RARS2: variants seen among roughly 807,000 people sequenced by gnomAD.
The protein encoded by RARS2 is arginyl-tRNA synthetase 2, mitochondrial, also known as probable arginine--tRNA ligase, mitochondrial.
In RARS2, 67 loss-of-function variants were observed where a neutral mutation model predicts 88.5. The observed-to-expected ratio is 0.76, with a 90% confidence interval of 0.62 to 0.93. RARS2 has a LOEUF of 0.93. Among genes scored for constraint, RARS2 ranks in the 40% least tolerant of loss-of-function variants. The probability of loss-of-function intolerance (pLI) is 0.00; values close to 1 mark genes in which losing one functional copy is unlikely to be tolerated. For missense variants in RARS2, 664 were observed against 684.2 expected, an observed-to-expected ratio of 0.97 and a Z score of 0.33; for synonymous variants, 239 against 230.3, an observed-to-expected ratio of 1.04 and a Z score of -0.34.
At chr6:87,565,560 C>T (rs1767611674) in intron 2 of RARS2, among the ~76,000 whole-genome samples, 1 of 152,012 alleles carries the variant, frequency 6.6e-6, no homozygotes, top group African/African-American at 2.4e-5. Context: ...AAAAGCTCTC[C>T]CTTTCCCTAC....
intron 1 of RARS2, among the ~76,000 whole-genome samples, chr6:87,580,578 T>G: frequency 7.2e-6 from 1 of 139,846 alleles, no homozygotes; most frequent in East Asian, 2.1e-4. Context: ...AATTTGAGAG[T>G]GAAACCCTGT....
chr6:87,560,535 T>C (rs915508650), intron 4 of RARS2, among the ~76,000 whole-genome samples: 2 of 152,240 alleles, frequency 1.3e-5, no homozygotes, highest in African/African-American at 2.4e-5. Flanking sequence ...AACAAAGATA[T>C]ATTAATTCTT....
intron 1 of RARS2, among the ~76,000 whole-genome samples, chr6:87,574,670 T>C (rs1305507634): frequency 2.0e-5 from 3 of 151,880 alleles, no homozygotes; most frequent in Non-Finnish European, 4.4e-5. Context: ...AGGAGAAAAA[T>C]GTAACCCAAT....
chr6:87,536,361 G>C (rs939131524), intron 8 of RARS2, among the ~76,000 whole-genome samples: 1 of 151,906 alleles, frequency 6.6e-6, no homozygotes, highest in Non-Finnish European at 1.5e-5. Flanking sequence ...TTTTGCCTGG[G>C]CGTGGTGGCT....
chr6:87,570,108 G>A (rs373519366), intron 1 of RARS2, among the ~76,000 whole-genome samples: 27 of 152,142 alleles, frequency 1.8e-4, no homozygotes, highest in African/African-American at 6.3e-4. Flanking sequence ...AAATAACAGG[G>A]AAAATGTGAT....
At chr6:87,525,772 C>T (rs1775479292) in intron 10 of RARS2, among the ~76,000 whole-genome samples, 1 of 152,120 alleles carries the variant, frequency 6.6e-6, no homozygotes, top group South Asian at 2.1e-4. Context: ...GTCTCGAACT[C>T]CTGACCTCAT....
intron 1 of RARS2, among the ~76,000 whole-genome samples, chr6:87,585,512 T>C (rs1036826893): frequency 6.6e-6 from 1 of 152,044 alleles, no homozygotes; most frequent in Non-Finnish European, 1.5e-5. Flanking sequence ...GGGTGGATCA[T>C]GAGGTCAGGA....
At chr6:87,520,815 A>G (rs1187800070) in intron 12 of RARS2, among the ~76,000 whole-genome samples, 1 of 152,200 alleles carries the variant, frequency 6.6e-6, no homozygotes, top group African/African-American at 2.4e-5. Context: ...TGTGCTGAAG[A>G]ACAGAGCACT....
At chr6:87,528,913 T>C (rs547397939) in intron 10 of RARS2, among the ~76,000 whole-genome samples, 14 of 152,330 alleles carry the variant, frequency 9.2e-5, no homozygotes, top group Admixed American at 6.5e-5. Flanking sequence ...GATGGGTATG[T>C]TAATTAACTT....
chr6:87,540,102 T>A (rs531375710), intron 8 of RARS2, among the ~76,000 whole-genome samples: 43 of 152,050 alleles, frequency 2.8e-4, no homozygotes, highest in South Asian at 4.1e-4. Flanking sequence ...TCATTTAGAG[T>A]GCAGTGTTGG....
At chr6:87,545,821 A>C in intron 6 of RARS2, 122 bp from the exon 7 acceptor site, 1 of 1,165,218 alleles carries the variant, frequency 8.6e-7, no homozygotes, top group Non-Finnish European at 1.2e-6. Context: ...TACCAACTCA[A>C]TGTTTTTTAC....
chr6:87,519,152 ATATG>A (rs1304819594), intron 14 of RARS2: 2 of 314,984 alleles, frequency 6.3e-6, no homozygotes, highest in Non-Finnish European at 5.8e-6. Context: ...TTATATATAT[ATATG>A]TATGTGTGTA....
intron 1 of RARS2, among the ~76,000 whole-genome samples, chr6:87,573,538 TAG>T (rs1297812188): frequency 6.6e-6 from 1 of 152,138 alleles, no homozygotes; most frequent in East Asian, 1.9e-4. Context: ...GTTTAATGGG[TAG>T]AGAGTTTTAG....
At chr6:87,584,071 G>A (rs1214279656) in intron 1 of RARS2, among the ~76,000 whole-genome samples, 2 of 152,202 alleles carry the variant, frequency 1.3e-5, no homozygotes, top group Non-Finnish European at 2.9e-5. Context: ...AGATTTGTAA[G>A]ATAAAGATGG....
At chr6:87,585,459 G>A (rs1047068506) in intron 1 of RARS2, among the ~76,000 whole-genome samples, 38 of 152,270 alleles carry the variant, frequency 2.5e-4, no homozygotes, top group South Asian at 1.2e-3. Flanking sequence ...TGCCTGGCGC[G>A]GTGGCTCACG....
intron 1 of RARS2, among the ~76,000 whole-genome samples, chr6:87,575,883 C>T (rs967172812): frequency 1.3e-5 from 2 of 150,030 alleles, no homozygotes; most frequent in Non-Finnish European, 3.0e-5. Context: ...ATGGTGTGAT[C>T]GCTCACTGCA....
chr6:87,525,732 A>G (rs1450984036), intron 10 of RARS2, among the ~76,000 whole-genome samples: 1 of 151,756 alleles, frequency 6.6e-6, no homozygotes, highest in Non-Finnish European at 1.5e-5. Context: ...TTTTTAGTAG[A>G]GACAGGTTTT....
At chr6:87,515,304 A>G (rs1051411341) in intron 18 of RARS2, among the ~76,000 whole-genome samples, 1 of 151,952 alleles carries the variant, frequency 6.6e-6, no homozygotes, top group Admixed American at 6.5e-5. Flanking sequence ...GGTGGATCAC[A>G]AGGTCAGGAG....
chr6:87,564,103 C>G, intron 3 of RARS2, 27 bp downstream of exon 3: 1 of 1,523,014 alleles, frequency 6.6e-7, no homozygotes. Flanking sequence ...ATTACAATGT[C>G]AAAAAGAGAT....
Sources: allele counts gnomAD v4.1 joint callset (sites outside exome capture counted in the v4.1 genomes callset), GRCh38; gene constraint gnomAD v4.1.1; transcripts MANE v1.5; gene names NCBI Gene and HGNC (gene_info 2026-07-23, HGNC 2026-07-21).